Variants in NOP58 observed in about 807,000 individuals in gnomAD.
The protein encoded by NOP58 is nucleolar protein 58.
NOP58 carries 44 observed loss-of-function variants against 71.2 expected under a neutral mutation model. The ratio of observed to expected loss-of-function variants is 0.62; its 90% CI spans 0.49 to 0.79. NOP58 has a LOEUF of 0.79. Ranked by LOEUF, NOP58 falls within the 30% of genes least tolerant of loss-of-function variation. NOP58 has a pLI of 0.00. For synonymous variants in NOP58, 228 were observed against 200.3 expected (o/e 1.14, Z -1.17); for missense variants, 538 against 620.2 (o/e 0.87, Z 1.41).
intron 4 of NOP58, 42 bp from the exon 5 acceptor site, chr2:202,284,301 GTC>G (rs1559262922): frequency 2.8e-6 from 4 of 1,426,142 alleles, no homozygotes; most frequent in East Asian, 5.0e-5. Context: ...CTTCAGGAAA[GTC>G]TTTTTTTTTT....
intron 12 of NOP58, among the ~76,000 whole-genome samples, chr2:202,298,247 G>A (rs372432175): frequency 1.3e-5 from 2 of 151,966 alleles, no homozygotes; most frequent in South Asian, 2.1e-4. Context: ...TTAGTTTTCC[G>A]CATTAACTTC....
At chr2:202,296,942 C>T (rs1689004628) in intron 10 of NOP58, among the ~76,000 whole-genome samples, 1 of 152,056 alleles carries the variant, frequency 6.6e-6, no homozygotes, top group Admixed American at 6.6e-5. Flanking sequence ...ACCGTGTTAG[C>T]CAGGATGGTC....
chr2:202,286,712 T>A (rs1174561185), intron 5 of NOP58, among the ~76,000 whole-genome samples: 1 of 152,158 alleles, frequency 6.6e-6, no homozygotes, highest in African/African-American at 2.4e-5. Flanking sequence ...ATCTGCATTG[T>A]GTATAGCAGT....
At chr2:202,270,345 G>A (rs112737831) in intron 1 of NOP58, among the ~76,000 whole-genome samples, 1,680 of 152,240 alleles carry the variant, frequency 0.011, 37 homozygotes, top group African/African-American at 0.039. Flanking sequence ...CATTTGTTGC[G>A]TGTATGGATT....
At chr2:202,292,482 C>G (rs1237415206) in intron 8 of NOP58, among the ~76,000 whole-genome samples, 1 of 151,318 alleles carries the variant, frequency 6.6e-6, no homozygotes, top group East Asian at 2.0e-4. Flanking sequence ...ACTAAAAATA[C>G]AAAAAATTAG....
chr2:202,269,439 G>T lies in NOP58; in HGVS notation c.45+3453G>T, dbSNP rs148721635. Among the ~76,000 whole-genome samples the T allele has an allele frequency of 3.2e-4, 48 of 151,734 alleles. 1 individual carries two copies. Among genetic ancestry groups the T allele is most frequent in the Admixed American group, 7.2e-4 (11 of 15,174 alleles). ...TGCTGGGATTACAGCCATGAGGTACGGTGTTCTGCCCACTTATGTGTTTAG... is the reference window on the plus strand; with the variant it reads ...TGCTGGGATTACAGCCATGAGGTACTGTGTTCTGCCCACTTATGTGTTTAG... On this transcript the variant is annotated intron_variant, in intron 1 of 14. Coordinates refer to ENST00000264279, the MANE Select transcript of NOP58 (RefSeq NM_015934.5).
chr2:202,282,463 G>A lies in NOP58; in HGVS notation c.288G>A (p.Gly96=). 2 of 1,606,992 alleles carry A rather than the reference G, an allele frequency of 1.2e-6. No individual in the cohort carries two copies. Among genetic ancestry groups the A allele is most frequent in the Non-Finnish European group, 1.7e-6 (2 of 1,178,414 alleles). ...PLAVADAKLG[G]VIKEKLNLSC... Reference sequence around the variant, plus strand: ...CAGTAGCTGATGCTAAACTAGGAGGGGTCATAAAGGTAAAGTCACGATATT... The same window carrying A: ...CAGTAGCTGATGCTAAACTAGGAGGAGTCATAAAGGTAAAGTCACGATATT... Residue 96 remains glycine (G), a synonymous_variant, in exon 4 of 15, where the codon GGG becomes GGA. Coordinates refer to ENST00000264279, the MANE Select transcript of NOP58 (RefSeq NM_015934.5).
Position 202,277,973 on chromosome 2 carries a change from A to G in NOP58, c.146A>G (p.Lys49Arg), listed in dbSNP as rs1296355790. ...AGAGTAAAGCTAAAACATTTTGAGA[A>G]ATTTCAGGATACAGCAGAAGCATTA... ...NKIVKLKHFEKFQDTAEALAA... is the reference protein window; with the variant it reads ...NKIVKLKHFERFQDTAEALAA... The change falls in exon 3 of 15, where the codon AAA becomes AGA. Residue 49 changes from lysine (K) to arginine (R), a missense_variant. Lys to Arg is a conservative substitution (Grantham distance 26). Transcript: ENST00000264279. The G allele has an allele frequency of 6.4e-7, 1 of 1,553,186 alleles. No homozygotes were observed. Among genetic ancestry groups the G allele is most frequent in the Non-Finnish European group, 8.8e-7 (1 of 1,134,292 alleles).
chr2:202,268,741 A>G (rs1688462357), intron 1 of NOP58, among the ~76,000 whole-genome samples: 1 of 151,188 alleles, frequency 6.6e-6, no homozygotes, highest in South Asian at 2.1e-4. Flanking sequence ...CCTCCCGAGT[A>G]GCTGGGATTA....
At chr2:202,274,313 T>C (rs13012390) in intron 1 of NOP58, among the ~76,000 whole-genome samples, 149,539 of 151,902 alleles carry the variant, frequency 0.98, 73,652 homozygotes, top group East Asian at 1. Context: ...CTGCAACCTC[T>C]GCCTCCGGGT....
At chr2:202,294,343 A>AC (rs1246342030) in intron 9 of NOP58, among the ~76,000 whole-genome samples, 6 of 151,802 alleles carry the variant, frequency 4.0e-5, no homozygotes, top group Non-Finnish European at 7.4e-5. Flanking sequence ...TCTCAAAAAA[A>AC]AAAAAAAAAA....
At chr2:202,288,463 CAA>C (rs1176746349) in intron 6 of NOP58, among the ~76,000 whole-genome samples, 1 of 138,868 alleles carries the variant, frequency 7.2e-6, no homozygotes, top group East Asian at 2.1e-4. Flanking sequence ...GCCTGGGCAA[CAA>C]GAGCAAATCT....
intron 3 of NOP58, chr2:202,278,273 A>G: frequency 3.6e-6 from 2 of 562,788 alleles, no homozygotes; most frequent in African/African-American, 1.9e-5. Flanking sequence ...CCCTGTGGAA[A>G]CCAGCAACAT....
intron 1 of NOP58, 36 bp from the exon 2 acceptor site, chr2:202,275,077 C>A: frequency 1.9e-6 from 2 of 1,031,324 alleles, no homozygotes; most frequent in African/African-American, 1.6e-5. Flanking sequence ...CTCACCTGTA[C>A]CATTTAAATA....
intron 5 of NOP58, 103 bp downstream of exon 5, chr2:202,284,584 A>T: frequency 8.2e-7 from 1 of 1,212,922 alleles, no homozygotes; most frequent in Non-Finnish European, 1.2e-6. Flanking sequence ...ACCACATCAG[A>T]ACCTTATGAA....
intron 8 of NOP58, among the ~76,000 whole-genome samples, chr2:202,291,818 A>AG (rs1047212040): frequency 1.3e-5 from 2 of 150,300 alleles, no homozygotes; most frequent in African/African-American, 2.4e-5. Flanking sequence ...AAAAAAAAAA[A>AG]AAAAAAAAAA....
At chr2:202,270,294 C>T (rs1488353071) in intron 1 of NOP58, among the ~76,000 whole-genome samples, 2 of 152,148 alleles carry the variant, frequency 1.3e-5, no homozygotes, top group Non-Finnish European at 2.9e-5. Context: ...GCTTTTTTCA[C>T]TTAGTGTAAT....
At chr2:202,274,216 T>G (rs1432065251) in intron 1 of NOP58, among the ~76,000 whole-genome samples, 1 of 151,910 alleles carries the variant, frequency 6.6e-6, no homozygotes, top group African/African-American at 2.4e-5. Context: ...AGACAAAAGT[T>G]TTTTTTGTTT....
intron 12 of NOP58, 187 bp from the exon 13 acceptor site, chr2:202,300,047 T>TG: frequency 2.0e-6 from 1 of 512,222 alleles, no homozygotes; most frequent in South Asian, 2.7e-5. Context: ...TTGACCTACT[T>TG]GAAAAATATT....
Sources: gnomAD v4.1 joint callset for allele counts (sites outside exome capture counted in the v4.1 genomes callset) on GRCh38, gnomAD v4.1.1 for gene constraint, MANE v1.5 for transcripts, NCBI Gene and HGNC (gene_info 2026-07-23, HGNC 2026-07-21) for gene names.